The following RAB27B variants were observed in gnomAD, a reference collection of about 807,000 sequenced individuals.
The protein encoded by RAB27B is RAB27B, member RAS oncogene family.
Under a neutral mutation model 24.6 loss-of-function variants are expected in RAB27B, and 15 were observed. The ratio of observed to expected loss-of-function variants is 0.61; its 90% confidence interval spans 0.41 to 0.94. The LOEUF (loss-of-function observed/expected upper bound fraction) is 0.94. Among genes scored for constraint, RAB27B ranks in the 40% least tolerant of loss-of-function variants. RAB27B has a pLI of 0.00. For synonymous variants in RAB27B, 105 were observed against 92.5 expected (o/e 1.14, Z -0.78); for missense variants, 261 against 266.8 (o/e 0.98, Z 0.15).
At chr18:54,886,248 A>T (rs1242117940) in intron 4 of RAB27B, among the ~76,000 whole-genome samples, 1 of 152,054 alleles carries the variant, frequency 6.6e-6, no homozygotes, top group Non-Finnish European at 1.5e-5. Flanking sequence ...ACCTGACATG[A>T]TGTGATGTAT....
At position 54,799,760 on chromosome 18, in the gene RAB27B, G is replaced by C. The variant is rs572901907; in HGVS notation, c.-19-77807G>C. Among the ~76,000 whole-genome samples the C allele has an allele frequency of 2.1e-3, 317 of 151,440 alleles. 1 individual carries two copies. The highest frequency in any genetic ancestry group is 7.4e-3 in the African/African-American group (307 of 41,244). On this transcript the variant is annotated intron_variant, in intron 2 of 4. Coordinates refer to the RAB27B transcript ENST00000586570. ...TTCTCCTGCGTCAGCCTCCTGAGTA[G>C]ATGGGATTACAGGCGTCCACCACCA... is the stretch of plus-strand genomic sequence containing the variant.
At chr18:54,822,918 TAAG>T (rs1174139016) in intron 2 of RAB27B, among the ~76,000 whole-genome samples, 1 of 152,180 alleles carries the variant, frequency 6.6e-6, no homozygotes, top group East Asian at 1.9e-4. Flanking sequence ...TCCTCTAACA[TAAG>T]AAGAAAAAAT....
chr18:54,759,604 T>TA lies in RAB27B; in HGVS notation c.-20+41465dup, dbSNP rs1398201306. On this transcript the variant is annotated intron_variant, in intron 2 of 4. Transcript: ENST00000586570. ...CTGGCGAGGGCCACACCCTCAAGCC[T>TA]AAGACTGTGGCCTAAAGTGAGAATG... Among the ~76,000 whole-genome samples the TA allele has an allele frequency of 3.3e-5, 5 of 152,180 alleles. No individual in the cohort carries two copies. The East Asian group carries it at 9.6e-4, about 29-fold the overall frequency.
At chr18:54,840,667 A>G (rs1911072538) in intron 1 of RAB27B, among the ~76,000 whole-genome samples, 1 of 152,162 alleles carries the variant, frequency 6.6e-6, no homozygotes, top group Non-Finnish European at 1.5e-5. Context: ...ATAGTTCTGA[A>G]AATATGGTCA....
chr18:54,881,162 C>A (rs902536893), intron 3 of RAB27B, among the ~76,000 whole-genome samples: 1 of 152,126 alleles, frequency 6.6e-6, no homozygotes, highest in Non-Finnish European at 1.5e-5. Flanking sequence ...GGGCTCATCA[C>A]TCAATGCGCT....
Position 54,888,100 on chromosome 18 carries a change from A to T in RAB27B, c.449A>T (p.Glu150Val). Residue 150 changes from glutamate to valine, a missense_variant, in exon 5 of 6, where the codon GAA (glutamate) becomes GTA (valine). Coordinates refer to ENST00000262094, the MANE Select transcript of RAB27B (RefSeq NM_004163.4). ...QREVNERQAR[E>V]LADKYGIPYF... ...GAAGTCAATGAACGGCAAGCTCGGG[A>T]ACTGGCTGACAAATATGGGTAAGTC... The T allele has an allele frequency of 6.2e-7, 1 of 1,612,890 alleles. No individual in the cohort carries two copies. Among genetic ancestry groups the T allele is most frequent in the Non-Finnish European group, 8.5e-7 (1 of 1,179,244 alleles).
chr18:54,825,025 TA>T (rs1463354483), upstream of RAB27B, among the ~76,000 whole-genome samples: 1 of 152,224 alleles, frequency 6.6e-6, no homozygotes, highest in Non-Finnish European at 1.5e-5. Flanking sequence ...ACAGGATGTA[TA>T]TTTTTTAAGT....
chr18:54,819,034 T>A (rs928127186), intron 2 of RAB27B, among the ~76,000 whole-genome samples: 1 of 151,648 alleles, frequency 6.6e-6, no homozygotes, highest in South Asian at 2.1e-4. Context: ...AAAAAATCCA[T>A]AGAACAGAAA....
rs530030416 is a variant in RAB27B, at chr18:54,782,514, A to G, written c.-20+64373A>G. Reference sequence around the variant, plus strand: ...TCACTTCCTTCTGTTGTTTCTTCCTATTTCTTTACTTGTATAACACAACAG... The same window carrying G: ...TCACTTCCTTCTGTTGTTTCTTCCTGTTTCTTTACTTGTATAACACAACAG... On this transcript the variant is annotated intron_variant, in intron 2 of 4. Coordinates refer to the RAB27B transcript ENST00000586570. 2.6e-5 allele frequency among the ~76,000 whole-genome samples: 4 copies of G among 152,210 alleles called. No homozygotes were observed. In the South Asian group the frequency reaches 6.2e-4, roughly 24 times the overall value.
intron 2 of RAB27B, among the ~76,000 whole-genome samples, chr18:54,718,805 T>C (rs1909270851): frequency 6.6e-6 from 1 of 152,236 alleles, no homozygotes; most frequent in African/African-American, 2.4e-5. Context: ...ATGGGGGAGA[T>C]GGAAAATTCT....
At chr18:54,879,690 T>G in intron 3 of RAB27B, 2 of 462,516 alleles carry the variant, frequency 4.3e-6, no homozygotes, top group Non-Finnish European at 3.9e-6. Flanking sequence ...TGAAGATTCT[T>G]GCTATGCACT....
intron 2 of RAB27B, 119 bp downstream of exon 2, chr18:54,877,857 C>A (rs1309083472): frequency 4.8e-6 from 5 of 1,049,480 alleles, no homozygotes; most frequent in South Asian, 2.0e-5. Context: ...CATAACCTGT[C>A]ATTTTAATTT....
In RAB27B at chr18:54,841,410, G is replaced by A. The variant is rs1386115493; in HGVS notation, c.-20+12710G>A. Among the ~76,000 whole-genome samples, 11 of 152,240 alleles carry A rather than the reference G, an allele frequency of 7.2e-5. 1 individual carries two copies. The East Asian group carries it at 7.7e-4, about 11-fold the overall frequency. ...ATCTGCAGATGGTTTAAAATATATA[G>A]CAGAACATTATATGCCAATACTATA... On this transcript the variant is annotated intron_variant, in intron 1 of 5. Coordinates refer to ENST00000262094, the MANE Select transcript of RAB27B (RefSeq NM_004163.4).
At chr18:54,881,881 G>A (rs572336921) in intron 3 of RAB27B, among the ~76,000 whole-genome samples, 13 of 152,192 alleles carry the variant, frequency 8.5e-5, no homozygotes, top group Admixed American at 5.2e-4. Context: ...TTTGTCATAC[G>A]CTCTGGGCAA....
intron 2 of RAB27B, among the ~76,000 whole-genome samples, chr18:54,782,550 C>A (rs998209438): frequency 6.6e-6 from 1 of 152,130 alleles, no homozygotes; most frequent in African/African-American, 2.4e-5. Flanking sequence ...TAAGGTATAA[C>A]CTTATTGGCT....
At chr18:54,729,807 AT>A (rs1252287887) in intron 2 of RAB27B, among the ~76,000 whole-genome samples, 2 of 152,330 alleles carry the variant, frequency 1.3e-5, no homozygotes, top group African/African-American at 2.4e-5. Context: ...ATTTAAAAAA[AT>A]AATCCACTTA....
At chr18:54,770,093 C>T (rs1480572896) in intron 2 of RAB27B, among the ~76,000 whole-genome samples, 1 of 152,110 alleles carries the variant, frequency 6.6e-6, no homozygotes, top group African/African-American at 2.4e-5. Context: ...GATCCACCTA[C>T]CTTGGCCTCC....
At chr18:54,857,836 A>T (rs1911845890) in intron 1 of RAB27B, among the ~76,000 whole-genome samples, 4 of 152,262 alleles carry the variant, frequency 2.6e-5, no homozygotes, top group Admixed American at 2.6e-4. Context: ...TGCAGCTTGC[A>T]TCCTTATACT....
At chr18:54,862,839 A>G (rs562009563) in intron 1 of RAB27B, among the ~76,000 whole-genome samples, 20 of 152,372 alleles carry the variant, frequency 1.3e-4, no homozygotes, top group African/African-American at 4.8e-4. Flanking sequence ...CTGTGAGCAC[A>G]TGTGCACAGA....
Sources: allele counts gnomAD v4.1 joint callset (sites outside exome capture counted in the v4.1 genomes callset), GRCh38; gene constraint gnomAD v4.1.1; transcripts MANE v1.5; gene names NCBI Gene and HGNC (gene_info 2026-07-23, HGNC 2026-07-21).